ZNF704: variants seen among roughly 807,000 people sequenced by gnomAD.
ZNF704 encodes the protein glucocorticoid induced gene 1.
In ZNF704, 10 loss-of-function variants were observed where a neutral mutation model predicts 44.7. The ratio of observed to expected loss-of-function variants is 0.22; its 90% CI spans 0.14 to 0.38. ZNF704 has a LOEUF of 0.38. ZNF704 is among the 10% of genes least tolerant of loss of function. The probability of loss-of-function intolerance (pLI) is 1.00; values close to 1 mark genes in which losing one functional copy is unlikely to be tolerated. For synonymous variants in ZNF704, 211 were observed against 207.6 expected, an observed-to-expected ratio of 1.02 and a Z score of -0.14; for missense variants, 390 against 545.5, an observed-to-expected ratio of 0.71 and a Z score of 2.84.
Position 80,636,763 on chromosome 8 carries a change from C to G in ZNF704, c.*4603G>C, listed in dbSNP as rs1032936935. The stretch of plus-strand genomic sequence containing the variant: ...ACTCATTTGTATGCACAAATTCTTC[C>G]CTGAGTTCACACAGGTCAGTGCTAC... On this transcript the variant is annotated 3_prime_UTR_variant, in exon 9 of 9. Coordinates refer to ENST00000327835, the MANE Select transcript of ZNF704 (RefSeq NM_001033723.3). 6.6e-6 allele frequency: 1 copy of G among 152,126 alleles called. No homozygotes were observed. Among genetic ancestry groups the G allele is most frequent in the Non-Finnish European group, 1.5e-5 (1 of 68,036 alleles). The allele number at this position is 152,126 out of a possible 1,614,324, so 9.4% of individuals were successfully genotyped here. A position where few individuals can be genotyped will look rare whatever the true frequency, so the allele number is the denominator to read the frequency against.
chr8:80,708,702 A>G (rs1339017405), intron 2 of ZNF704, among the ~76,000 whole-genome samples: 2 of 152,230 alleles, frequency 1.3e-5, no homozygotes, highest in East Asian at 1.9e-4. Flanking sequence ...TTACTGTAAT[A>G]GCATGTTGAT....
intron 2 of ZNF704, among the ~76,000 whole-genome samples, chr8:80,714,261 T>C (rs1342159654): frequency 6.6e-6 from 1 of 152,202 alleles, no homozygotes; most frequent in Non-Finnish European, 1.5e-5. Flanking sequence ...GAAAAGCAGC[T>C]GTATCCCTAG....
chr8:80,744,020 G>A (rs938463893), intron 2 of ZNF704, among the ~76,000 whole-genome samples: 1 of 152,026 alleles, frequency 6.6e-6, no homozygotes, highest in African/African-American at 2.4e-5. Flanking sequence ...TGCAAGACAG[G>A]GAGATCTTTC....
chr8:80,848,199 A>C (rs567935874), intron 1 of ZNF704, among the ~76,000 whole-genome samples: 21 of 152,336 alleles, frequency 1.4e-4, no homozygotes, highest in African/African-American at 5.1e-4. Context: ...AAAATCATAG[A>C]AATGGAAAAC....
At chr8:80,727,576 G>A (rs1806506158) in intron 2 of ZNF704, among the ~76,000 whole-genome samples, 1 of 152,012 alleles carries the variant, frequency 6.6e-6, no homozygotes, top group South Asian at 2.1e-4. Context: ...CTCTTGTTTG[G>A]CGCAGGCAGG....
At chr8:80,662,031 A>G (rs1360055800) in intron 6 of ZNF704, among the ~76,000 whole-genome samples, 2 of 152,206 alleles carry the variant, frequency 1.3e-5, no homozygotes, top group Non-Finnish European at 2.9e-5. Flanking sequence ...CATCCTATGC[A>G]TATAACAAAA....
rs374614626 is a variant in ZNF704, at chr8:80,667,090, C to T, written c.660-2008G>A. Among the ~76,000 whole-genome samples the T allele has an allele frequency of 2.9e-4, 44 of 152,186 alleles. 1 individual carries two copies. The highest frequency in any genetic ancestry group is 3.4e-3 in the Middle Eastern group (1 of 294). On this transcript the variant is annotated intron_variant, in intron 5 of 8. Coordinates refer to ENST00000327835, the MANE Select transcript of ZNF704 (RefSeq NM_001033723.3). Reference sequence around the variant, plus strand: ...GTGAGGGAGACACCATGCTGGCACCCGCAGTGAGAACACACCAGGGAGAAG... The same window carrying T: ...GTGAGGGAGACACCATGCTGGCACCTGCAGTGAGAACACACCAGGGAGAAG...
At chr8:80,784,647 T>G (rs2129721763) in intron 2 of ZNF704, among the ~76,000 whole-genome samples, 2 of 152,290 alleles carry the variant, frequency 1.3e-5, no homozygotes, top group East Asian at 3.9e-4. Flanking sequence ...CTTTGTATAT[T>G]TTGGATAACA....
At chr8:80,704,704 A>T (rs1431411838) in intron 2 of ZNF704, among the ~76,000 whole-genome samples, 1 of 152,228 alleles carries the variant, frequency 6.6e-6, no homozygotes, top group African/African-American at 2.4e-5. Flanking sequence ...GAGAGCTTCC[A>T]GACAGCGGGA....
chr8:80,697,629 A>T (rs1420799975), intron 2 of ZNF704, among the ~76,000 whole-genome samples: 1 of 152,222 alleles, frequency 6.6e-6, no homozygotes, highest in African/African-American at 2.4e-5. Context: ...ACTTAAACTC[A>T]CTGTTTCCTT....
At chr8:80,695,941 T>A (rs1473221490) in intron 2 of ZNF704, among the ~76,000 whole-genome samples, 1 of 152,258 alleles carries the variant, frequency 6.6e-6, no homozygotes, top group Non-Finnish European at 1.5e-5. Flanking sequence ...TTAACCTGCA[T>A]TTCTCAGGGA....
chr8:80,843,064 C>T (rs74334148), intron 1 of ZNF704, among the ~76,000 whole-genome samples: 251 of 152,252 alleles, frequency 1.6e-3, no homozygotes, highest in African/African-American at 3.2e-3. Context: ...CCACTGCTAA[C>T]GATGTAGAAG....
At chr8:80,756,933 C>A (rs2131713160) in intron 2 of ZNF704, among the ~76,000 whole-genome samples, 1 of 152,308 alleles carries the variant, frequency 6.6e-6, no homozygotes, top group South Asian at 2.1e-4. Flanking sequence ...ATTATGAAGT[C>A]TCTCAAGGTG....
chr8:80,832,213 CATTT>C (rs1808482969), intron 1 of ZNF704, among the ~76,000 whole-genome samples: 1 of 151,946 alleles, frequency 6.6e-6, no homozygotes, highest in Non-Finnish European at 1.5e-5. Context: ...GGGAAATTGC[CATTT>C]TTTTTTTAAC....
At chr8:80,687,673 T>C (rs1563519130) in intron 3 of ZNF704, among the ~76,000 whole-genome samples, 1 of 152,210 alleles carries the variant, frequency 6.6e-6, no homozygotes, top group Non-Finnish European at 1.5e-5. Context: ...AACCTCATGA[T>C]AATAGGTTTT....
At chr8:80,764,224 G>C (rs550274357) in intron 2 of ZNF704, among the ~76,000 whole-genome samples, 1 of 152,262 alleles carries the variant, frequency 6.6e-6, no homozygotes, top group African/African-American at 2.4e-5. Context: ...AGAATCAGCA[G>C]TTTTCACACC....
chr8:80,873,714 TCTC>T (rs1381694310), intron 1 of ZNF704: 2 of 153,876 alleles, frequency 1.3e-5, no homozygotes, highest in African/African-American at 4.9e-5. Flanking sequence ...CCTCGGGGCT[TCTC>T]CTCCACACGC....
intron 1 of ZNF704, among the ~76,000 whole-genome samples, chr8:80,866,789 C>T (rs1809162824): frequency 6.6e-6 from 1 of 152,090 alleles, no homozygotes; most frequent in Non-Finnish European, 1.5e-5. Context: ...TCACATAGGG[C>T]TGTGGCTCTC....
At chr8:80,654,176 T>C (rs573390328) in intron 7 of ZNF704, among the ~76,000 whole-genome samples, 9 of 152,042 alleles carry the variant, frequency 5.9e-5, no homozygotes, top group African/African-American at 1.9e-4. Flanking sequence ...TTACACCTTA[T>C]ACAAAAATTA....
Sources: gnomAD v4.1 joint callset for allele counts (sites outside exome capture counted in the v4.1 genomes callset) on GRCh38, gnomAD v4.1.1 for gene constraint, MANE v1.5 for transcripts, NCBI Gene and HGNC (gene_info 2026-07-23, HGNC 2026-07-21) for gene names.